Variants in FAM13C observed in about 807,000 individuals in gnomAD.
The protein encoded by FAM13C is family with sequence similarity 13 member C, also known as protein FAM13C.
In FAM13C, 37 loss-of-function variants were observed where a neutral mutation model predicts 73.2. The observed-to-expected ratio is 0.51, with a 90% CI of 0.39 to 0.67. FAM13C has a LOEUF of 0.67. FAM13C is among the 30% of genes least tolerant of loss of function. The probability of loss-of-function intolerance (pLI) is 0.00; values close to 1 mark genes in which losing one functional copy is unlikely to be tolerated. For missense variants in FAM13C, 589 were observed against 715.6 expected, an observed-to-expected ratio of 0.82 and a Z score of 2.02; for synonymous variants, 246 against 260.9, an observed-to-expected ratio of 0.94 and a Z score of 0.55.
At position 59,262,432 on chromosome 10, in the gene FAM13C, AC is replaced by A; in HGVS notation, c.1236+1del. On this transcript the variant is annotated splice_donor_variant, in intron 10 of 13. Coordinates refer to ENST00000618804, the MANE Select transcript of FAM13C (RefSeq NM_198215.4). LOFTEE classifies it high-confidence loss of function. Reference sequence around the variant, plus strand: ...TCTATATAACAAGACATGGTGATGTACCTTAGAATCCTCCTGGGGAGGAAGT... The same window carrying A: ...TCTATATAACAAGACATGGTGATGTACTTAGAATCCTCCTGGGGAGGAAGT... 2 of 1,613,218 alleles carry A rather than the reference AC, an allele frequency of 1.2e-6. No individual in the cohort carries two copies. The highest frequency in any genetic ancestry group is 1.7e-6 in the Non-Finnish European group (2 of 1,179,404).
chr10:59,247,546 A>C lies in FAM13C; in HGVS notation c.*68T>G. The C allele has an allele frequency of 6.3e-7, 1 of 1,595,946 alleles. No individual in the cohort carries two copies. Among genetic ancestry groups the C allele is most frequent in the Non-Finnish European group, 8.6e-7 (1 of 1,168,332 alleles). On this transcript the variant is annotated 3_prime_UTR_variant, in exon 14 of 14. Coordinates refer to ENST00000618804, the MANE Select transcript of FAM13C (RefSeq NM_198215.4). ...TTCATTGTGTCAAAACTACTTAGCA[A>C]GGATGGCAGAGGAAAATAAACTTTA...
chr10:59,321,432 CTTTTTTTT>C (rs1057110939), intron 4 of FAM13C, among the ~76,000 whole-genome samples: 357 of 58,086 alleles, frequency 6.1e-3, no homozygotes, highest in Middle Eastern at 0.02. Flanking sequence ...CTGCCAACAC[CTTTTTTTT>C]TTTTTTTTTT....
chr10:59,281,260 G>C (rs1439384568), intron 6 of FAM13C, among the ~76,000 whole-genome samples: 2 of 152,152 alleles, frequency 1.3e-5, no homozygotes, highest in African/African-American at 4.8e-5. Context: ...CCTGAGTTAA[G>C]AACCATGGAT....
intron 3 of FAM13C, among the ~76,000 whole-genome samples, chr10:59,332,224 A>G (rs1170502976): frequency 2.6e-5 from 4 of 151,940 alleles, no homozygotes; most frequent in Non-Finnish European, 5.9e-5. Flanking sequence ...GGGTAGATCA[A>G]TATGTTTGTA....
chr10:59,358,361 G>C (rs1564633082), intron 1 of FAM13C, among the ~76,000 whole-genome samples: 1 of 152,152 alleles, frequency 6.6e-6, no homozygotes. Flanking sequence ...CTGGGCAACA[G>C]AGTGAGACTC....
chr10:59,358,915 G>C (rs1330809666), intron 1 of FAM13C, among the ~76,000 whole-genome samples: 1 of 152,170 alleles, frequency 6.6e-6, no homozygotes, highest in Non-Finnish European at 1.5e-5. Flanking sequence ...CTACCTCCTG[G>C]CTTACATGGC....
At chr10:59,308,566 C>T (rs202239098) in intron 4 of FAM13C, among the ~76,000 whole-genome samples, 2 of 112,590 alleles carry the variant, frequency 1.8e-5, no homozygotes, top group Non-Finnish European at 3.7e-5. Context: ...GCACCACCAA[C>T]CACCATCACC....
At chr10:59,302,561 T>A (rs1204161685) in intron 5 of FAM13C, among the ~76,000 whole-genome samples, 1 of 152,208 alleles carries the variant, frequency 6.6e-6, no homozygotes, top group African/African-American at 2.4e-5. Context: ...ACAAAATGAC[T>A]GCTGGACTTG....
At chr10:59,268,521 T>A in intron 8 of FAM13C, 32 bp downstream of exon 8, 1 of 1,611,376 alleles carries the variant, frequency 6.2e-7, no homozygotes, top group Non-Finnish European at 8.5e-7. Flanking sequence ...CTCTGACCAA[T>A]CCGCTCCTAT....
Position 59,247,702 on chromosome 10 carries a change from T to A in FAM13C, c.1670A>T (p.Asp557Val). 1 of 1,613,282 alleles carries A rather than the reference T, an allele frequency of 6.2e-7. No homozygotes were observed. Among genetic ancestry groups the A allele is most frequent in the Non-Finnish European group, 8.5e-7 (1 of 1,179,542 alleles). Residue 557 changes from aspartate (D) to valine (V), a missense_variant, in exon 14 of 14, where the codon GAT becomes GTT. Transcript: ENST00000618804. ...TATGTGCTTATATTCATAATACTCA[T>A]CTGCCATTGGTATCCTATCTTCCTT... Reference protein sequence around the residue: ...PQKEDRIPMADEYYEYKHIKA... With the variant: ...PQKEDRIPMAVEYYEYKHIKA...
chr10:59,261,154 G>GTA (rs918034322), intron 10 of FAM13C, among the ~76,000 whole-genome samples: 3 of 152,132 alleles, frequency 2.0e-5, no homozygotes, highest in Admixed American at 6.6e-5. Flanking sequence ...AAGAGTTTCT[G>GTA]TATATATATG....
At chr10:59,349,695 G>A (rs1429798279) in intron 3 of FAM13C, among the ~76,000 whole-genome samples, 3 of 152,118 alleles carry the variant, frequency 2.0e-5, no homozygotes, top group Non-Finnish European at 4.4e-5. Context: ...CCTGGGAGGC[G>A]GAGGTTGCAG....
intron 3 of FAM13C, among the ~76,000 whole-genome samples, chr10:59,333,749 T>G (rs914398587): frequency 6.6e-6 from 1 of 152,232 alleles, no homozygotes; most frequent in African/African-American, 2.4e-5. Context: ...AAATTATTTT[T>G]CTATTTCCAA....
chr10:59,341,589 T>C (rs1177091147), intron 3 of FAM13C, among the ~76,000 whole-genome samples: 1 of 152,072 alleles, frequency 6.6e-6, no homozygotes, highest in African/African-American at 2.4e-5. Flanking sequence ...CTCAGGAGGC[T>C]GAGGCAGGAG....
intron 5 of FAM13C, among the ~76,000 whole-genome samples, chr10:59,302,514 G>A (rs976741223): frequency 3.3e-5 from 5 of 152,142 alleles, no homozygotes; most frequent in Non-Finnish European, 7.3e-5. Flanking sequence ...TCATCGCCAC[G>A]GTTATACAAT....
intron 5 of FAM13C, among the ~76,000 whole-genome samples, chr10:59,291,198 C>T (rs923103529): frequency 2.0e-5 from 3 of 152,124 alleles, no homozygotes; most frequent in Admixed American, 6.5e-5. Flanking sequence ...TTGAAAGCTG[C>T]CCCCACCCCT....
intron 5 of FAM13C, among the ~76,000 whole-genome samples, chr10:59,290,189 T>G (rs983059503): frequency 1.3e-5 from 2 of 152,192 alleles, no homozygotes; most frequent in Non-Finnish European, 2.9e-5. Context: ...AGGTCCCACT[T>G]TAGTTGGGTT....
rs116807687 is a variant in FAM13C at position 59,273,134 on chromosome 10, C to T, written c.593-3025G>A. Among the ~76,000 whole-genome samples the T allele has an allele frequency of 9.7e-3, 1,475 of 152,268 alleles. 5 individuals are homozygous for T. Among genetic ancestry groups the T allele is most frequent in the Admixed American group, 0.021 (318 of 15,292 alleles). ...GTAACAATGCTGTTACTTATGCTTACGCTTCATCCTAAGCAATGACCAAGA... is the reference window on the plus strand; with the variant it reads ...GTAACAATGCTGTTACTTATGCTTATGCTTCATCCTAAGCAATGACCAAGA... On this transcript the variant is annotated intron_variant, in intron 6 of 13. Coordinates refer to ENST00000618804, the MANE Select transcript of FAM13C (RefSeq NM_198215.4).
At chr10:59,281,698 A>G (rs1844938966) in intron 6 of FAM13C, among the ~76,000 whole-genome samples, 1 of 152,246 alleles carries the variant, frequency 6.6e-6, no homozygotes, top group Admixed American at 6.5e-5. Flanking sequence ...AAGTGATAAT[A>G]AGCTTGTACA....
Sources: allele counts gnomAD v4.1 joint callset (sites outside exome capture counted in the v4.1 genomes callset), GRCh38; gene constraint gnomAD v4.1.1; transcripts MANE v1.5; gene names NCBI Gene and HGNC (gene_info 2026-07-23, HGNC 2026-07-21).